Variants in NT5C3A observed in about 807,000 individuals in gnomAD.
The protein encoded by NT5C3A is cytosolic 5'-nucleotidase 3A.
Under a neutral mutation model 40.0 loss-of-function variants are expected in NT5C3A, and 23 were observed. The observed-to-expected ratio is 0.58, with a 90% CI of 0.41 to 0.81. The LOEUF (loss-of-function observed/expected upper bound fraction) is 0.81. Ranked by LOEUF, NT5C3A falls within the 40% of genes least tolerant of loss-of-function variation. The pLI is 0.00. For synonymous variants in NT5C3A, 130 were observed against 141.4 expected, an observed-to-expected ratio of 0.92 and a Z score of 0.57; for missense variants, 328 against 403.0, an observed-to-expected ratio of 0.81 and a Z score of 1.59.
At chr7:33,026,353 G>GAAAAAAA (rs1226260693) in intron 2 of NT5C3A, among the ~76,000 whole-genome samples, 1,337 of 94,150 alleles carry the variant, frequency 0.014, 125 homozygotes, top group South Asian at 0.066. Flanking sequence ...CATCTCAAAA[G>GAAAAAAA]AAAAAAAAAA....
chr7:33,025,273 T>C (rs576443388), intron 2 of NT5C3A, among the ~76,000 whole-genome samples: 108 of 152,370 alleles, frequency 7.1e-4, no homozygotes, highest in Non-Finnish European at 1.4e-3. Flanking sequence ...ACTTGGTCAA[T>C]GCACAAAAAT....
chr7:33,014,951 A>G, intron 8 of NT5C3A, 120 bp from the exon 9 acceptor site: 1 of 845,684 alleles, frequency 1.2e-6, no homozygotes. Context: ...CACTTTCAAA[A>G]AATCTTTGAA....
intron 6 of NT5C3A, among the ~76,000 whole-genome samples, chr7:33,017,853 G>A (rs1162045463): frequency 1.3e-5 from 2 of 152,122 alleles, no homozygotes; most frequent in Non-Finnish European, 2.9e-5. Context: ...CACTGAATAT[G>A]AATATAAACC....
intron 2 of NT5C3A, among the ~76,000 whole-genome samples, chr7:33,026,322 C>T (rs1425813593): frequency 1.7e-5 from 2 of 118,712 alleles, no homozygotes; most frequent in Middle Eastern, 0.014. Flanking sequence ...GCACTCCAGG[C>T]TGGGCAACAG....
chr7:33,026,791 G>A (rs773621241), intron 2 of NT5C3A, 26 bp downstream of exon 2: 1 of 1,505,602 alleles, frequency 6.6e-7, no homozygotes, highest in South Asian at 1.1e-5. Context: ...AACACACACA[G>A]CCAAGGCTTC....
chr7:33,022,996 T>C (rs778945131), intron 3 of NT5C3A, among the ~76,000 whole-genome samples: 3 of 151,418 alleles, frequency 2.0e-5, no homozygotes, highest in African/African-American at 4.8e-5. Flanking sequence ...TGGCTCACTA[T>C]AGACTTGCCC....
chr7:33,015,554 T>C (rs1050277978), intron 8 of NT5C3A, 116 bp downstream of exon 8: 7 of 682,410 alleles, frequency 1.0e-5, no homozygotes, highest in Non-Finnish European at 1.8e-5. Context: ...CAGAGGCTTG[T>C]CTCAAAAAAA....
intron 1 of NT5C3A, among the ~76,000 whole-genome samples, chr7:33,051,864 A>G (rs550209406): frequency 3.2e-4 from 48 of 152,342 alleles, no homozygotes; most frequent in African/African-American, 9.9e-4. Flanking sequence ...GATGTTCTAC[A>G]ATGTGGTCCC....
At chr7:33,048,460 T>C (rs776003907) in intron 1 of NT5C3A, among the ~76,000 whole-genome samples, 1 of 152,162 alleles carries the variant, frequency 6.6e-6, no homozygotes, top group Non-Finnish European at 1.5e-5. Flanking sequence ...TGGAAACCCA[T>C]GAATGTGGAC....
chr7:33,023,869 T>C (rs1785767804), intron 3 of NT5C3A, 170 bp downstream of exon 3: 2 of 602,302 alleles, frequency 3.3e-6, no homozygotes, highest in Admixed American at 5.8e-5. Context: ...TAACCATTTA[T>C]ATAATATGGG....
chr7:33,059,012 TG>T (rs1319478343), intron 1 of NT5C3A, among the ~76,000 whole-genome samples: 1 of 152,238 alleles, frequency 6.6e-6, no homozygotes, highest in African/African-American at 2.4e-5. Flanking sequence ...TAGCTAATTC[TG>T]CCCCTTCTTT....
chr7:33,058,732 T>G lies in NT5C3A; in HGVS notation c.138+3836A>C, dbSNP rs1787665549. On this transcript the variant is annotated intron_variant, in intron 1 of 8. Transcript: ENST00000610140. ...ATCTGTCCACATCTCCCCTAGAACT[T>G]TGCTAGACTGATTATTTTTTCTCCT... is the stretch of plus-strand genomic sequence containing the variant. 2.6e-5 allele frequency among the ~76,000 whole-genome samples: 4 copies of G among 152,354 alleles called. No individual in the cohort carries two copies. In the South Asian group the frequency reaches 8.3e-4, roughly 32 times the overall value.
At chr7:33,037,165 G>A (rs1013556044) in intron 1 of NT5C3A, among the ~76,000 whole-genome samples, 21 of 152,260 alleles carry the variant, frequency 1.4e-4, no homozygotes, top group African/African-American at 2.9e-4. Context: ...TATTTGAATC[G>A]AGCATTGTGT....
intron 1 of NT5C3A, among the ~76,000 whole-genome samples, chr7:33,055,160 C>T (rs1374767598): frequency 6.6e-6 from 1 of 151,942 alleles, no homozygotes; most frequent in Non-Finnish European, 1.5e-5. Flanking sequence ...CCTCATCTCT[C>T]CTAAAAATAC....
At chr7:33,045,483 G>A (rs1436360442) in intron 1 of NT5C3A, among the ~76,000 whole-genome samples, 2 of 149,080 alleles carry the variant, frequency 1.3e-5, no homozygotes, top group African/African-American at 2.5e-5. Flanking sequence ...TTTTTGAGAC[G>A]GAGTCTCACT....
At chr7:33,051,661 T>C (rs1487974185) in intron 1 of NT5C3A, among the ~76,000 whole-genome samples, 1 of 152,204 alleles carries the variant, frequency 6.6e-6, no homozygotes, top group Admixed American at 6.5e-5. Context: ...AACAGTTTAA[T>C]ACTTCATTAT....
chr7:33,026,858 TTTC>T lies in NT5C3A; in HGVS notation c.193_195del (p.Glu65del). The T allele has an allele frequency of 6.2e-7, 1 of 1,612,720 alleles. No homozygotes were observed. The highest frequency in any genetic ancestry group is 8.5e-7 in the Non-Finnish European group (1 of 1,179,776). The stretch of plus-strand genomic sequence containing the variant: ...CCTCCTTTGATAAGACCACAGATAA[TTTC>T]TTCTACTCTTGTAGGGTTCTTGATT... On this transcript the variant is annotated inframe_deletion, in exon 2 of 9. Coordinates refer to ENST00000610140, the MANE Select transcript of NT5C3A (RefSeq NM_001002010.5).
rs1554291562 is a variant in NT5C3A, at chr7:33,033,877, C to CATAT, written c.139-6966_139-6963dup. ...GCTATAAAGTTGTCAATATAAAAGA[C>CATAT]ATATATATATATATATAATTTTTTT... On this transcript the variant is annotated intron_variant, in intron 1 of 8. Transcript: ENST00000610140. 3.4e-3 allele frequency among the ~76,000 whole-genome samples: 425 copies of CATAT among 125,738 alleles called. 4 individuals are homozygous for CATAT. Among genetic ancestry groups the CATAT allele is most frequent in the African/African-American group, 6.8e-3 (215 of 31,672 alleles). The allele number at this position is 125,738 out of a possible 152,430, so 82.5% of individuals were successfully genotyped here. A position where few individuals can be genotyped will look rare whatever the true frequency, so the allele number is the denominator to read the frequency against.
At chr7:33,033,192 T>G (rs969089087) in intron 1 of NT5C3A, among the ~76,000 whole-genome samples, 2 of 152,232 alleles carry the variant, frequency 1.3e-5, no homozygotes, top group Non-Finnish European at 2.9e-5. Flanking sequence ...TTGTTTATAT[T>G]TGGTAGCAAC....
Sources: gnomAD v4.1 joint callset for allele counts (sites outside exome capture counted in the v4.1 genomes callset) on GRCh38, gnomAD v4.1.1 for gene constraint, MANE v1.5 for transcripts, NCBI Gene and HGNC (gene_info 2026-07-23, HGNC 2026-07-21) for gene names.